Variants in PAXX observed in about 807,000 individuals in gnomAD.
PAXX encodes the protein PAXX non-homologous end joining factor, also known as protein PAXX.
A neutral mutation model predicts 25.6 loss-of-function variants in PAXX; 27 were observed. That is an observed-to-expected ratio of 1.06 (90% CI 0.78 to 1.46). PAXX has a LOEUF of 1.46. PAXX is among the 40% of genes most tolerant of loss of function. The pLI is 0.00. For missense variants in PAXX, 295 were observed against 280.2 expected (o/e 1.05, Z -0.38); for synonymous variants, 126 against 125.7 (o/e 1.00, Z -0.02).
rs1403101927 is a variant in PAXX, at chr9:136,993,813, G to A, written c.*8G>A. On this transcript the variant is annotated 3_prime_UTR_variant, in exon 7 of 7. Coordinates refer to ENST00000371620, the MANE Select transcript of PAXX (RefSeq NM_183241.3). ...GACTTCGATGAGACCTGAAGGTGCA[G>A]CACAAGCGTGGCCCCGCGGGGAGTC... 1.2e-6 allele frequency: 2 copies of A among 1,613,376 alleles called. No individual in the cohort carries two copies. The highest frequency in any genetic ancestry group is 1.3e-5 in the African/African-American group (1 of 74,928).
rs1294640289 is a variant in PAXX at position 136,993,640 on chromosome 9, C to G, written c.551C>G (p.Ser184Trp). Residue 184 changes from serine to tryptophan, a missense_variant, in exon 6 of 7, where the codon TCG (serine) becomes TGG (tryptophan). Ser to Trp is a radical substitution (Grantham distance 177). Coordinates refer to ENST00000371620, the MANE Select transcript of PAXX (RefSeq NM_183241.3). ...GTCAGGAGGCGGTGTCCAGGAGAGT[C>G]GCTCATCAACCCCGGGTTCAAGAGG... ...PGVRRRCPGE[S>W]LINPGFKSKK... The G allele has an allele frequency of 3.1e-6, 5 of 1,613,774 alleles. No individual in the cohort carries two copies. Among genetic ancestry groups the G allele is most frequent in the Non-Finnish European group, 4.2e-6 (5 of 1,179,988 alleles).
chr9:136,993,148 T>C lies in PAXX; in HGVS notation c.326T>C (p.Leu109Pro). ...SGGPSALAFDLSKVPGPEAAP... is the reference protein window; with the variant it reads ...SGGPSALAFDPSKVPGPEAAP... Reference sequence around the variant, plus strand: ...GGGCCCTCGGCACTGGCCTTTGACCTCTCCAAGGTACCAGGCCCAGAGGCA... The same window carrying C: ...GGGCCCTCGGCACTGGCCTTTGACCCCTCCAAGGTACCAGGCCCAGAGGCA... The change falls in exon 4 of 7, where the codon CTC (leucine) becomes CCC (proline). Residue 109 changes from leucine to proline, a missense_variant. Transcript: ENST00000371620. 1.3e-6 allele frequency: 2 copies of C among 1,585,518 alleles called. No individual in the cohort carries two copies. Among genetic ancestry groups the C allele is most frequent in the Non-Finnish European group, 1.7e-6 (2 of 1,165,838 alleles).
intron 5 of PAXX, 79 bp downstream of exon 5, chr9:136,993,490 C>G: frequency 6.3e-7 from 1 of 1,596,264 alleles, no homozygotes; most frequent in South Asian, 1.1e-5. Flanking sequence ...ACAAGACTCA[C>G]GCTCCAGAGA....
In PAXX at chr9:136,993,239, G is replaced by A. The variant is rs202216228; in HGVS notation, c.417G>A (p.Leu139=). 1.5e-4 allele frequency: 233 copies of A among 1,541,072 alleles called. No individual in the cohort carries two copies. The highest frequency in any genetic ancestry group is 2.0e-4 in the Non-Finnish European group (224 of 1,148,208). Residue 139 remains leucine, a synonymous_variant, in exon 4 of 7, where the codon CTG becomes CTA. Coordinates refer to ENST00000371620, the MANE Select transcript of PAXX (RefSeq NM_183241.3). Reference sequence around the variant, plus strand: ...GCGTGTGGAGCCTGGAGCGGCGACTGGCAGGTAGGATTGGGGGTGGGCACC... The same window carrying A: ...GCGTGTGGAGCCTGGAGCGGCGACTAGCAGGTAGGATTGGGGGTGGGCACC... The part of the protein sequence containing the change: ...AKRVWSLERR[L]AAAEETAVSP...
At chr9:136,992,757 C>T (rs1830606045) in intron 2 of PAXX, 57 bp downstream of exon 2, 4 of 1,556,180 alleles carry the variant, frequency 2.6e-6, no homozygotes, top group Admixed American at 1.9e-5. Context: ...TGCAGATCGT[C>T]TATGGGGCGA....
chr9:136,993,906 C>G lies in PAXX; in HGVS notation c.*101C>G, dbSNP rs1830652090. The G allele has an allele frequency of 8.4e-7, 1 of 1,186,528 alleles. No individual in the cohort carries two copies. The highest frequency in any genetic ancestry group is 1.5e-5 in the African/African-American group (1 of 66,322). 73.5% of individuals were successfully genotyped at this position (1,186,528 alleles called of 1,614,324 possible). On this transcript the variant is annotated 3_prime_UTR_variant, in exon 7 of 7. Coordinates refer to ENST00000371620, the MANE Select transcript of PAXX (RefSeq NM_183241.3). ...ACCCCCCGCCACCACCTCCACCTGC[C>G]TGTCCTGGGCCAGGACTAACACGGC...
rs1187675259 is a variant in PAXX at position 136,992,701 on chromosome 9, G to C, written c.180+1G>C. 3 of 1,540,676 alleles carry C rather than the reference G, an allele frequency of 1.9e-6. No homozygotes were observed. The South Asian group carries it at 3.6e-5, about 18-fold the overall frequency. ...CACGCCGGACAGCCTGGCGGCCCTC[G>C]TGGGTAACTGGGCGGGTCTGGGAGC... On this transcript the variant is annotated splice_donor_variant, in intron 2 of 6. Transcript: ENST00000371620. LOFTEE classifies it high-confidence loss of function.
intron 3 of PAXX, 30 bp downstream of exon 3, chr9:136,993,004 T>C: frequency 1.2e-6 from 2 of 1,613,068 alleles, no homozygotes; most frequent in Non-Finnish European, 1.7e-6. Flanking sequence ...GAAGGACGGG[T>C]GGGGAGGAGG....
chr9:136,992,766 G>T, intron 2 of PAXX, 66 bp downstream of exon 2: 1 of 1,563,680 alleles, frequency 6.4e-7, no homozygotes, highest in Non-Finnish European at 8.7e-7. Flanking sequence ...TCTATGGGGC[G>T]ACAGACATCT....
chr9:136,992,453 CT>C lies in PAXX; in HGVS notation c.11del (p.Leu4ArgfsTer38). On this transcript the variant is annotated frameshift_variant, in exon 1 of 7. Transcript: ENST00000371620. LOFTEE classifies it high-confidence loss of function. MDP[L>X]SPPLCTLPPG... ...CCGCTCGCCCGGCGCCATGGATCCG[CT>C]GTCGCCGCCGCTCTGCACGCTGCCG... 1 of 1,300,756 alleles carries C rather than the reference CT, an allele frequency of 7.7e-7. No homozygotes were observed. The allele number at this position is 1,300,756 out of a possible 1,614,324, so 80.6% of individuals were successfully genotyped here.
In PAXX at chr9:136,993,099, A is replaced by G; in HGVS notation, c.277A>G (p.Arg93Gly). 2 of 1,609,360 alleles carry G rather than the reference A, an allele frequency of 1.2e-6. No homozygotes were observed. Among genetic ancestry groups the G allele is most frequent in the Non-Finnish European group, 1.7e-6 (2 of 1,178,338 alleles). The change falls in exon 4 of 7, where the codon AGA (arginine) becomes GGA (glycine). Residue 93 changes from arginine (R) to glycine (G), a missense_variant. Coordinates refer to ENST00000371620, the MANE Select transcript of PAXX (RefSeq NM_183241.3). ...TGTGGCTCTGACTCTGCAGGAGGAC[A>G]GAGCATCCCTGACGCTTTCAGGGGG... Reference protein sequence around the residue: ...QAVALTLQEDRASLTLSGGPS... With the variant: ...QAVALTLQEDGASLTLSGGPS...
chr9:136,993,829 G>A lies in PAXX; in HGVS notation c.*24G>A, dbSNP rs531361367. 9 of 1,612,344 alleles carry A rather than the reference G, an allele frequency of 5.6e-6. No individual in the cohort carries two copies. The highest frequency in any genetic ancestry group is 1.1e-5 in the South Asian group (1 of 91,080). ...GAAGGTGCAGCACAAGCGTGGCCCC[G>A]CGGGGAGTCCGCCTATGAGGGGAGA... On this transcript the variant is annotated 3_prime_UTR_variant, in exon 7 of 7. Coordinates refer to ENST00000371620, the MANE Select transcript of PAXX (RefSeq NM_183241.3).
rs866558858 is a variant in PAXX at position 136,992,575 on chromosome 9, C to G, written c.119+13C>G. ...GCTTCAACCTCTAGTGAGTGGGGGT[C>G]CGCGGGGAGGTAGGGGTGCAGGGAG... is the stretch of plus-strand genomic sequence containing the variant. On this transcript the variant is annotated intron_variant, in intron 1 of 6. Coordinates refer to ENST00000371620, the MANE Select transcript of PAXX (RefSeq NM_183241.3). 1 of 1,509,056 alleles carries G rather than the reference C, an allele frequency of 6.6e-7. No homozygotes were observed. Among genetic ancestry groups the G allele is most frequent in the East Asian group, 2.5e-5 (1 of 40,212 alleles). The allele number at this position is 1,509,056 out of a possible 1,614,324, so 93.5% of individuals were successfully genotyped here. A position where few individuals can be genotyped will look rare whatever the true frequency, so the allele number is the denominator to read the frequency against.
chr9:136,993,676 C>T lies in PAXX; in HGVS notation c.575+12C>T, dbSNP rs377472382. 5 of 1,613,646 alleles carry T rather than the reference C, an allele frequency of 3.1e-6. No homozygotes were observed. The African/African-American group carries it at 6.7e-5, about 22-fold the overall frequency. On this transcript the variant is annotated intron_variant, in intron 6 of 6. Transcript: ENST00000371620. ...CCCGGGTTCAAGAGGTACCCTCCCA[C>T]AGCCCCCTTCCTGCGCCCAGGGTCC...
In PAXX at chr9:136,992,519, G is replaced by A; in HGVS notation, c.76G>A (p.Gly26Arg). Residue 26 changes from glycine to arginine, a missense_variant, in exon 1 of 7, where the codon GGG becomes AGG. Transcript: ENST00000371620. Reference protein sequence around the residue: ...EPPRFVCYCEGEESGEGDRGG... With the variant: ...EPPRFVCYCEREESGEGDRGG... Reference sequence around the variant, plus strand: ...GCCCCGCTTCGTGTGCTACTGCGAAGGGGAGGAAAGCGGGGAGGGGGACCG... The same window carrying A: ...GCCCCGCTTCGTGTGCTACTGCGAAAGGGAGGAAAGCGGGGAGGGGGACCG... The A allele has an allele frequency of 6.9e-6, 10 of 1,447,610 alleles. No homozygotes were observed. Among genetic ancestry groups the A allele is most frequent in the Non-Finnish European group, 8.2e-6 (9 of 1,095,244 alleles). The allele number at this position is 1,447,610 out of a possible 1,614,324, so 89.7% of individuals were successfully genotyped here.
In PAXX at chr9:136,993,341, A is replaced by T. The variant is rs373617347; in HGVS notation, c.422-2A>T. 1 of 1,604,310 alleles carries T rather than the reference A, an allele frequency of 6.2e-7. No individual in the cohort carries two copies. The highest frequency in any genetic ancestry group is 1.3e-5 in the African/African-American group (1 of 74,702). The stretch of plus-strand genomic sequence containing the variant: ...GGGGTTCCCATGGGCTTTCCTCCCC[A>T]GCTGCAGAAGAGACAGCTGTCAGCC... On this transcript the variant is annotated splice_acceptor_variant, in intron 4 of 6. Coordinates refer to ENST00000371620, the MANE Select transcript of PAXX (RefSeq NM_183241.3). LOFTEE classifies it high-confidence loss of function.
In PAXX at chr9:136,992,618, C is replaced by T; in HGVS notation, c.120-22C>T. On this transcript the variant is annotated intron_variant, in intron 1 of 6. Coordinates refer to ENST00000371620, the MANE Select transcript of PAXX (RefSeq NM_183241.3). ...GCAGGGAGCTCCGCGGGCGGCCCCG[C>T]CTGACAGGCCTTCTCCCCCAGCGTG... 5 of 1,536,146 alleles carry T rather than the reference C, an allele frequency of 3.3e-6. No individual in the cohort carries two copies. In the South Asian group the frequency reaches 4.8e-5, roughly 15 times the overall value.
rs776774865 is a variant in PAXX, at chr9:136,993,156, G to A, written c.334G>A (p.Val112Ile). 12 of 1,578,000 alleles carry A rather than the reference G, an allele frequency of 7.6e-6. No individual in the cohort carries two copies. The highest frequency in any genetic ancestry group is 1.8e-5 in the Admixed American group (1 of 56,016). Residue 112 changes from valine to isoleucine, a missense_variant, in exon 4 of 7, where the codon GTA becomes ATA. By Grantham distance (29) the Val-to-Ile change is conservative. Transcript: ENST00000371620. ...PSALAFDLSKVPGPEAAPRLR... is the reference protein window; with the variant it reads ...PSALAFDLSKIPGPEAAPRLR... ...GGCACTGGCCTTTGACCTCTCCAAG[G>A]TACCAGGCCCAGAGGCAGCCCCCAG... is the stretch of plus-strand genomic sequence containing the variant.
In PAXX at chr9:136,993,428, T is replaced by A. The variant is rs752173010; in HGVS notation, c.490+17T>A. On this transcript the variant is annotated intron_variant, in intron 5 of 6. Transcript: ENST00000371620. ...TCTTACCAGGTAAGGCATGTCCGCC[T>A]GTGACTCAAGTAGGGCTGTGCTCTT... The A allele has an allele frequency of 1.0e-4, 165 of 1,603,048 alleles. No individual in the cohort carries two copies. The highest frequency in any genetic ancestry group is 1.4e-4 in the Non-Finnish European group (160 of 1,174,090).
Sources: allele counts gnomAD v4.1 joint callset, GRCh38; gene constraint gnomAD v4.1.1; transcripts MANE v1.5; gene names NCBI Gene and HGNC (gene_info 2026-07-23, HGNC 2026-07-21).